The following MOB1B variants were observed in gnomAD, a reference collection of about 807,000 sequenced individuals.
MOB1B encodes the protein MOB kinase activator 1B, also known as MOB1 Mps One Binder homolog B.
In MOB1B, 19 loss-of-function variants were observed where a neutral mutation model predicts 24.4. The ratio of observed to expected loss-of-function variants is 0.78; its 90% CI spans 0.54 to 1.14. MOB1B has a LOEUF of 1.14. Among genes scored for constraint, MOB1B ranks in the 50% most tolerant of loss-of-function variants. MOB1B has a pLI of 0.00. For missense variants in MOB1B, 243 were observed against 259.6 expected, an observed-to-expected ratio of 0.94 and a Z score of 0.44; for synonymous variants, 76 against 82.1, an observed-to-expected ratio of 0.93 and a Z score of 0.40.
intron 1 of MOB1B, chr4:70,950,889 T>G: frequency 2.5e-6 from 2 of 805,770 alleles, no homozygotes; most frequent in South Asian, 2.9e-5. Context: ...AAGGTAGGTA[T>G]TATTATCTCC....
At chr4:70,923,479 A>T (rs1459395002) in intron 1 of MOB1B, among the ~76,000 whole-genome samples, 1 of 152,164 alleles carries the variant, frequency 6.6e-6, no homozygotes, top group African/African-American at 2.4e-5. Context: ...CTGGGATTAT[A>T]GGCATGAGCT....
intron 3 of MOB1B, among the ~76,000 whole-genome samples, chr4:70,972,007 C>T (rs6815841): frequency 0.47 from 69,911 of 149,600 alleles, 18,794 homozygotes; most frequent in Non-Finnish European, 0.6. Flanking sequence ...TTCCTTTCTC[C>T]CTTTTTTTTT....
intron 1 of MOB1B, among the ~76,000 whole-genome samples, chr4:70,911,675 C>T (rs1327417324): frequency 4.6e-5 from 7 of 152,046 alleles, no homozygotes; most frequent in Admixed American, 2.6e-4. Flanking sequence ...TTTGTACTTT[C>T]GGAGTTTCTG....
chr4:70,952,724 C>T (rs1038340220), intron 1 of MOB1B, among the ~76,000 whole-genome samples: 1 of 149,368 alleles, frequency 6.7e-6, no homozygotes, highest in African/African-American at 2.5e-5. Context: ...GTAATTTCTT[C>T]TGAGGTAGGT....
chr4:70,935,611 A>G (rs536342786), intron 1 of MOB1B, among the ~76,000 whole-genome samples: 4 of 150,720 alleles, frequency 2.7e-5, no homozygotes, highest in Non-Finnish European at 5.9e-5. Flanking sequence ...GTGTGTGTGT[A>G]TTTTCCTTTT....
At position 70,965,924 on chromosome 4, in the gene MOB1B, G is replaced by A. The variant is rs551685866; in HGVS notation, c.182-4007G>A. ...TCTTATAAAAATTCAACTTATCAAA[G>A]TTAACACTAGAATAAAAAATCTGAA... On this transcript the variant is annotated intron_variant, in intron 2 of 5. Transcript: ENST00000309395. Among the ~76,000 whole-genome samples the A allele has an allele frequency of 1.0e-3, 147 of 145,856 alleles. 1 individual carries two copies. The highest frequency in any genetic ancestry group is 3.5e-3 in the African/African-American group (138 of 39,366).
At chr4:70,915,689 T>C (rs1424877333) in intron 1 of MOB1B, among the ~76,000 whole-genome samples, 1 of 152,086 alleles carries the variant, frequency 6.6e-6, no homozygotes. Flanking sequence ...CCCTGAGAGA[T>C]GTGACCCTGA....
At chr4:70,905,786 C>T (rs927665188) in intron 1 of MOB1B, among the ~76,000 whole-genome samples, 113 of 151,876 alleles carry the variant, frequency 7.4e-4, no homozygotes, top group Non-Finnish European at 1.8e-4. Context: ...CACTGTGGGC[C>T]GGGCACAGTG....
chr4:70,967,375 C>G (rs1738576181), intron 2 of MOB1B, among the ~76,000 whole-genome samples: 1 of 152,134 alleles, frequency 6.6e-6, no homozygotes, highest in Non-Finnish European at 1.5e-5. Flanking sequence ...CTCAGATGGT[C>G]CACCCACCTC....
rs530121108 is a variant in MOB1B at position 70,933,652 on chromosome 4, A to G, written c.15-25222A>G. On this transcript the variant is annotated intron_variant, in intron 1 of 5. Transcript: ENST00000309395. Reference sequence around the variant, plus strand: ...CTGCAACCTCCGCCTCCCGGGTTCAAGCGATTCTCCTGCCTCAGCTTCCCG... The same window carrying G: ...CTGCAACCTCCGCCTCCCGGGTTCAGGCGATTCTCCTGCCTCAGCTTCCCG... 2.7e-5 allele frequency among the ~76,000 whole-genome samples: 4 copies of G among 149,408 alleles called. No individual in the cohort carries two copies. In the South Asian group the frequency reaches 8.4e-4, roughly 32 times the overall value.
intron 1 of MOB1B, among the ~76,000 whole-genome samples, chr4:70,921,004 C>CA (rs1225650443): frequency 1.3e-5 from 2 of 152,092 alleles, no homozygotes; most frequent in Non-Finnish European, 2.9e-5. Flanking sequence ...TTCGCGGAAC[C>CA]AAGTAAAAGC....
chr4:70,908,108 C>G (rs866546291), intron 1 of MOB1B, among the ~76,000 whole-genome samples: 1 of 151,620 alleles, frequency 6.6e-6, no homozygotes, highest in Non-Finnish European at 1.5e-5. Context: ...TCACTGCAAC[C>G]TCCACCTCCC....
At chr4:70,949,007 G>A (rs889274369) in intron 1 of MOB1B, among the ~76,000 whole-genome samples, 2 of 152,100 alleles carry the variant, frequency 1.3e-5, no homozygotes, top group African/African-American at 4.8e-5. Flanking sequence ...ATAATCTTCT[G>A]GAGATCCCCT....
intron 2 of MOB1B, among the ~76,000 whole-genome samples, chr4:70,969,116 G>A (rs1738654073): frequency 6.6e-6 from 1 of 152,042 alleles, no homozygotes; most frequent in African/African-American, 2.4e-5. Flanking sequence ...TTTATTCGTT[G>A]TGCTTTATAA....
intron 4 of MOB1B, chr4:70,975,703 A>G: frequency 1.0e-6 from 1 of 971,854 alleles, no homozygotes; most frequent in Non-Finnish European, 1.2e-6. Context: ...TCCCTGAAGT[A>G]AGGGAAAGGC....
Position 70,936,833 on chromosome 4 carries a change from G to A in MOB1B, c.15-22041G>A, listed in dbSNP as rs985245413. ...CAGAGGAGTATAGAGTTCTAGGGTA[G>A]AAATAATTTTCCTACAGAATTTTGT... On this transcript the variant is annotated intron_variant, in intron 1 of 5. Coordinates refer to ENST00000309395, the MANE Select transcript of MOB1B (RefSeq NM_173468.4). Among the ~76,000 whole-genome samples, 86 of 152,282 alleles carry A rather than the reference G, an allele frequency of 5.6e-4. No individual in the cohort carries two copies. The Middle Eastern group carries it at 0.01, about 18-fold the overall frequency.
chr4:70,905,799 T>A (rs1735713841), intron 1 of MOB1B, among the ~76,000 whole-genome samples: 1 of 152,100 alleles, frequency 6.6e-6, no homozygotes, highest in South Asian at 2.1e-4. Context: ...GCACAGTGGC[T>A]CCTGCTTGTA....
At chr4:70,937,808 G>A (rs1399270609) in intron 1 of MOB1B, among the ~76,000 whole-genome samples, 1 of 152,146 alleles carries the variant, frequency 6.6e-6, no homozygotes, top group Non-Finnish European at 1.5e-5. Context: ...TTACAGGCGT[G>A]AGCCACCGTG....
In MOB1B at chr4:70,975,143, T is replaced by C. The variant is rs1021648882; in HGVS notation, c.276-10T>C. On this transcript the variant is annotated splice_polypyrimidine_tract_variant and intron_variant, in intron 3 of 5. Transcript: ENST00000309395. ...TAATCTTCTGTGTGCTTTTTATCTC[T>C]CCAATGCAGATATGAGTATCATTGG... The C allele has an allele frequency of 1.9e-6, 3 of 1,593,488 alleles. No homozygotes were observed. The South Asian group carries it at 3.5e-5, about 18-fold the overall frequency.
Sources: gnomAD v4.1 joint callset for allele counts (sites outside exome capture counted in the v4.1 genomes callset) on GRCh38, gnomAD v4.1.1 for gene constraint, MANE v1.5 for transcripts, NCBI Gene and HGNC (gene_info 2026-07-23, HGNC 2026-07-21) for gene names.